The following IKZF4 variants were observed in gnomAD, a reference collection of about 807,000 sequenced individuals.
IKZF4 encodes the protein zinc finger protein Eos.
In IKZF4, 11 loss-of-function variants were observed where a neutral mutation model predicts 47.7. The observed-to-expected ratio is 0.23, with a 90% CI of 0.15 to 0.38. IKZF4 has a LOEUF of 0.38. IKZF4 is among the 10% of genes least tolerant of loss of function. The pLI, the probability that IKZF4 is intolerant of heterozygous loss-of-function variation, is 1.00. For missense variants in IKZF4, 557 were observed against 784.9 expected (o/e 0.71, Z 3.47); for synonymous variants, 298 against 299.4 (o/e 1.00, Z 0.05).
intron 2 of IKZF4, 114 bp from the exon 3 acceptor site, chr12:56,024,940 T>C: frequency 6.5e-7 from 1 of 1,533,682 alleles, no homozygotes; most frequent in Non-Finnish European, 8.7e-7. Context: ...GCTTTGTACA[T>C]GGCTATGAAG....
chr12:56,029,773 G>A (rs531096009), intron 5 of IKZF4: 1 of 152,260 alleles, frequency 6.6e-6, no homozygotes, highest in South Asian at 2.1e-4. Flanking sequence ...GAAGCTGTTG[G>A]GGGGAAAAAT....
At chr12:56,014,905 G>GTGTTCT (rs986991997) in intron 2 of IKZF4, among the ~76,000 whole-genome samples, 1 of 152,334 alleles carries the variant, frequency 6.6e-6, no homozygotes, top group African/African-American at 2.4e-5. Context: ...CAGGCAACTT[G>GTGTTCT]TGTTCTTGTT....
intron 2 of IKZF4, among the ~76,000 whole-genome samples, chr12:56,015,534 T>C (rs189374144): frequency 1.5e-3 from 225 of 152,116 alleles, no homozygotes; most frequent in African/African-American, 5.3e-3. Flanking sequence ...GATGGGATTA[T>C]AGGTGTGTAC....
chr12:56,031,026 G>A (rs1031589787), intron 5 of IKZF4, among the ~76,000 whole-genome samples: 11 of 152,224 alleles, frequency 7.2e-5, no homozygotes, highest in African/African-American at 2.7e-4. Flanking sequence ...GGCTGAGGCA[G>A]ACAGATCATG....
chr12:56,020,568 A>G (rs1827206098), upstream of IKZF4, among the ~76,000 whole-genome samples: 1 of 152,100 alleles, frequency 6.6e-6, no homozygotes, highest in South Asian at 2.1e-4. Context: ...TAGTCTTCCA[A>G]AGTAGGTCAG....
intron 5 of IKZF4, 70 bp downstream of exon 5, chr12:56,028,017 C>G (rs993097257): frequency 6.9e-7 from 1 of 1,442,282 alleles, no homozygotes; most frequent in African/African-American, 1.4e-5. Context: ...TCAGTGACTT[C>G]TCTTGTATTT....
At chr12:56,023,950 T>C (rs903401634) in intron 2 of IKZF4, 186 bp downstream of exon 2, 2 of 983,600 alleles carry the variant, frequency 2.0e-6, no homozygotes, top group Non-Finnish European at 2.4e-6. Flanking sequence ...GCTACCAGTA[T>C]GTTTATCCCA....
chr12:56,010,119 G>C (rs1334697987), intron 1 of IKZF4: 1 of 152,090 alleles, frequency 6.6e-6, no homozygotes, highest in African/African-American at 2.4e-5. Flanking sequence ...TTACTCTGTA[G>C]GAACAAATAA....
Position 56,021,108 on chromosome 12 carries a change from C to G in IKZF4, c.-386C>G. 5.8e-6 allele frequency: 8 copies of G among 1,369,992 alleles called. No individual in the cohort carries two copies. The highest frequency in any genetic ancestry group is 1.7e-5 in the South Asian group (1 of 58,442). 84.9% of individuals were successfully genotyped at this position (1,369,992 alleles called of 1,614,324 possible). Reference sequence around the variant, plus strand: ...TTTGTCTGCTGGGCACGAGGGGCAACAGCATCTGCCTTTCCCTCCCTGTGC... The same window carrying G: ...TTTGTCTGCTGGGCACGAGGGGCAAGAGCATCTGCCTTTCCCTCCCTGTGC... On this transcript the variant is annotated 5_prime_UTR_variant, in exon 1 of 8. Coordinates refer to ENST00000547167, the MANE Select transcript of IKZF4 (RefSeq NM_022465.4).
At chr12:56,019,441 C>T (rs1489993251), upstream of IKZF4, 1 of 888,806 alleles carries the variant, frequency 1.1e-6, no homozygotes, top group Non-Finnish European at 1.3e-6. Flanking sequence ...TGACCCCTTT[C>T]TTGTTTAAGG....
chr12:56,008,616 A>G (rs1890974179), intron 1 of IKZF4, among the ~76,000 whole-genome samples: 1 of 151,046 alleles, frequency 6.6e-6, no homozygotes, highest in Non-Finnish European at 1.5e-5. Flanking sequence ...CTTATGAAAT[A>G]TTGTACCCCA....
intron 7 of IKZF4, 78 bp from the exon 8 acceptor site, chr12:56,034,493 A>G (rs1300254365): frequency 3.4e-5 from 49 of 1,434,230 alleles, no homozygotes; most frequent in Non-Finnish European, 4.2e-5. Flanking sequence ...CCCCACAGGT[A>G]AAAAAACAAA....
chr12:56,036,716 G>A lies in IKZF4; in HGVS notation c.*1385G>A, dbSNP rs531906355. ...TCAGCTCCCAGACACAGGGTAGGAG[G>A]GGGGACTGCTGGCTACTGCAGAGAC... is the stretch of plus-strand genomic sequence containing the variant. On this transcript the variant is annotated 3_prime_UTR_variant, in exon 8 of 8. Transcript: ENST00000547167. The A allele has an allele frequency of 3.9e-5, 6 of 152,122 alleles. No individual in the cohort carries two copies. Among genetic ancestry groups the A allele is most frequent in the East Asian group, 3.9e-4 (2 of 5,192 alleles). The allele number at this position is 152,122 out of a possible 1,614,324, so 9.4% of individuals were successfully genotyped here.
chr12:56,020,838 C>A (rs563266466), upstream of IKZF4: 4 of 704,618 alleles, frequency 5.7e-6, no homozygotes, highest in East Asian at 1.3e-4. Flanking sequence ...TAGAGAGCAA[C>A]CTTCCTCCTG....
chr12:56,020,698 G>A (rs917005241), upstream of IKZF4, among the ~76,000 whole-genome samples: 8 of 152,162 alleles, frequency 5.3e-5, no homozygotes, highest in Admixed American at 4.6e-4. Flanking sequence ...GGGGGGAAAT[G>A]GGGAGACCGT....
rs1319763508 is a variant in IKZF4, at chr12:56,035,012, A to G, written c.1439A>G (p.Gln480Arg). Residue 480 changes from glutamine to arginine, a missense_variant, in exon 8 of 8, where the codon CAG (glutamine) becomes CGG (arginine). Around this residue, in one of 6 missense-constraint regions of IKZF4, gnomAD observed 280 missense variants for 314.0 expected, o/e 0.89. Coordinates refer to ENST00000547167, the MANE Select transcript of IKZF4 (RefSeq NM_022465.4). This position sits in a 1 kb window ranked among gnomAD's most constrained non-coding sequence, Gnocchi z 6.1. Reference protein sequence around the residue: ...VVSLPQGPPPQPPPTIVVGRH... With the variant: ...VVSLPQGPPPRPPPTIVVGRH... ...TCCCTCCCTCAGGGTCCCCCACCCC[A>G]GCCACCTCCCACCATTGTGGTGGGC... 1 of 1,556,086 alleles carries G rather than the reference A, an allele frequency of 6.4e-7. No homozygotes were observed. Among genetic ancestry groups the G allele is most frequent in the East Asian group, 2.3e-5 (1 of 44,346 alleles).
upstream of IKZF4, among the ~76,000 whole-genome samples, chr12:56,020,306 G>T (rs1454968474): frequency 6.6e-6 from 1 of 152,204 alleles, no homozygotes; most frequent in East Asian, 1.9e-4. Context: ...TTCTGGGGCA[G>T]GGAAAAGGGG....
chr12:56,035,067 C>T lies in IKZF4; in HGVS notation c.1494C>T (p.Asp498=). The change falls in exon 8 of 8, where the codon GAC becomes GAT. Residue 498 remains aspartate, a synonymous_variant. Transcript: ENST00000547167. The surrounding 1 kb of genome is among the most constrained non-coding windows in gnomAD (Gnocchi z 6.1). ...ACAGTCCTGCCTACGCCAAAGAGGA[C>T]CCCAAGCCACAGGAGGGGTTATTGC... ...GRHSPAYAKE[D]PKPQEGLLRG... 1 of 1,587,534 alleles carries T rather than the reference C, an allele frequency of 6.3e-7. No homozygotes were observed. Among genetic ancestry groups the T allele is most frequent in the Non-Finnish European group, 8.6e-7 (1 of 1,166,500 alleles).
upstream of IKZF4, among the ~76,000 whole-genome samples, chr12:56,020,383 G>A (rs534859106): frequency 3.7e-4 from 56 of 152,282 alleles, no homozygotes; most frequent in Middle Eastern, 3.4e-3. Context: ...TATCTTTCAA[G>A]GGAAACAGAG....
Sources: allele counts gnomAD v4.1 joint callset (sites outside exome capture counted in the v4.1 genomes callset), GRCh38; gene constraint gnomAD v4.1.1; regional missense constraint gnomAD v4.1.1; non-coding constraint Gnocchi (gnomAD v3.1); transcripts MANE v1.5; gene names NCBI Gene and HGNC (gene_info 2026-07-23, HGNC 2026-07-21).